Variants in DCAF10 observed in about 807,000 individuals in gnomAD.
DCAF10 encodes DDB1- and CUL4-associated factor 10.
Under a neutral mutation model 51.9 loss-of-function variants are expected in DCAF10, and 19 were observed. The observed-to-expected ratio is 0.37, with a 90% CI of 0.26 to 0.54. The LOEUF is 0.54. Among genes scored for constraint, DCAF10 ranks in the 20% least tolerant of loss-of-function variants. The pLI, the probability that DCAF10 is intolerant of heterozygous loss-of-function variation, is 0.87. For synonymous variants in DCAF10, 291 were observed against 297.1 expected (o/e 0.98, Z 0.21); for missense variants, 510 against 730.6 (o/e 0.70, Z 3.48).
intron 1 of DCAF10, among the ~76,000 whole-genome samples, chr9:37,814,355 G>A (rs1182577564): frequency 1.9e-5 from 2 of 105,710 alleles, no homozygotes; most frequent in African/African-American, 7.5e-5. Context: ...TCACCATGTT[G>A]GCCAGCCTGG....
Position 37,861,005 on chromosome 9 carries a change from G to T in DCAF10, c.1312-135G>T, listed in dbSNP as rs1830998088. 2.4e-6 allele frequency: 3 copies of T among 1,232,864 alleles called. No individual in the cohort carries two copies. The highest frequency in any genetic ancestry group is 1.6e-5 in the South Asian group (1 of 60,718). The allele number at this position is 1,232,864 out of a possible 1,614,324, so 76.4% of individuals were successfully genotyped here. On this transcript the variant is annotated intron_variant, in intron 6 of 6. Coordinates refer to ENST00000377724, the MANE Select transcript of DCAF10 (RefSeq NM_024345.5). The surrounding 1 kb of genome is among the most constrained non-coding windows in gnomAD (Gnocchi z 4.9). ...TACAAGTTTTGTTAGTTGGGAGGGG[G>T]ATAGCATTATTCTGAGTGATTTCTT...
At chr9:37,819,664 A>G (rs750522562) in intron 2 of DCAF10, among the ~76,000 whole-genome samples, 1 of 152,182 alleles carries the variant, frequency 6.6e-6, no homozygotes, top group Non-Finnish European at 1.5e-5. Context: ...ATCATTATGA[A>G]CCTCAGCCAT....
chr9:37,850,829 TATATATATATATATATATATATA>T (rs1564048677), intron 3 of DCAF10, among the ~76,000 whole-genome samples: 2,155 of 67,884 alleles, frequency 0.032, 98 homozygotes, highest in Middle Eastern at 0.04. Context: ...ATATATTTTA[TATATATATATATATATATATATA>T]TATATATATA....
chr9:37,816,909 G>T (rs182862954), intron 1 of DCAF10, among the ~76,000 whole-genome samples: 2 of 152,074 alleles, frequency 1.3e-5, no homozygotes, highest in South Asian at 2.1e-4. Context: ...ACCTGACATG[G>T]TATATATAAA....
intron 1 of DCAF10, among the ~76,000 whole-genome samples, chr9:37,815,541 A>T (rs28442179): frequency 0.029 from 4,451 of 152,144 alleles, 213 homozygotes; most frequent in African/African-American, 0.1. Context: ...GCTACCCAGG[A>T]GGCTGCGGCA....
At chr9:37,855,271 C>T (rs1830813852) in intron 4 of DCAF10, among the ~76,000 whole-genome samples, 1 of 152,174 alleles carries the variant, frequency 6.6e-6, no homozygotes. Context: ...ATCTTTTCAT[C>T]AGTAATTTTG....
rs752842128 is a variant in DCAF10 at position 37,829,509 on chromosome 9, C to T, written c.653+10108C>T. ...TGAAGAATAACTACAGAAAGATGTT[C>T]AAGCTTATCATTTATTATGGAAGTA... is the stretch of plus-strand genomic sequence containing the variant. On this transcript the variant is annotated intron_variant, in intron 2 of 6. Transcript: ENST00000377724. The surrounding 1 kb of genome is among the most constrained non-coding windows in gnomAD (Gnocchi z 4.2). 6.6e-6 allele frequency among the ~76,000 whole-genome samples: 1 copy of T among 151,988 alleles called. No homozygotes were observed. The highest frequency in any genetic ancestry group is 1.5e-5 in the Non-Finnish European group (1 of 67,992).
intron 1 of DCAF10, among the ~76,000 whole-genome samples, chr9:37,805,954 G>A (rs79254506): frequency 0.13 from 19,575 of 152,082 alleles, 1,425 homozygotes; most frequent in Non-Finnish European, 0.16. Context: ...TTGTGGTGAC[G>A]TGTCCCTTTG....
chr9:37,819,505 T>TATC, intron 2 of DCAF10, 104 bp downstream of exon 2: 1 of 690,210 alleles, frequency 1.4e-6, no homozygotes, highest in Non-Finnish European at 2.4e-6. Context: ...CCAGCACTGC[T>TATC]AGATGATCCA....
intron 3 of DCAF10, among the ~76,000 whole-genome samples, chr9:37,842,505 A>G (rs892785331): frequency 2.0e-5 from 3 of 152,238 alleles, no homozygotes; most frequent in Non-Finnish European, 2.9e-5. Context: ...AGTATAGTTA[A>G]TGATGAAAAC....
At position 37,800,809 on chromosome 9, in the gene DCAF10, G is replaced by A. The variant is rs897802434; in HGVS notation, c.-58G>A. ...CGCCGGAAGTGGCAGCTGAACAGGGGCACTGAGGTGTCGGCCGGCGGGGCA... is the reference window on the plus strand; with the variant it reads ...CGCCGGAAGTGGCAGCTGAACAGGGACACTGAGGTGTCGGCCGGCGGGGCA... On this transcript the variant is annotated 5_prime_UTR_variant, in exon 1 of 7. Coordinates refer to ENST00000377724, the MANE Select transcript of DCAF10 (RefSeq NM_024345.5). 8.7e-6 allele frequency: 13 copies of A among 1,500,138 alleles called. No homozygotes were observed. Among genetic ancestry groups the A allele is most frequent in the Middle Eastern group, 2.0e-4 (1 of 5,064 alleles). 92.9% of individuals were successfully genotyped at this position (1,500,138 alleles called of 1,614,324 possible).
At chr9:37,857,374 T>A in intron 5 of DCAF10, 23 bp downstream of exon 5, 1 of 1,531,132 alleles carries the variant, frequency 6.5e-7, no homozygotes, top group South Asian at 1.2e-5. Context: ...TTGGATTTTA[T>A]AATCTTGTAA....
rs527477160 is a variant in DCAF10 at position 37,829,642 on chromosome 9, A to G, written c.653+10241A>G. On this transcript the variant is annotated intron_variant, in intron 2 of 6. Transcript: ENST00000377724. The surrounding 1 kb of genome is among the most constrained non-coding windows in gnomAD (Gnocchi z 4.2). ...CACTCTTAGATATTACTGATGAAGT[A>G]TAAATTTATAACATTATTTTGAAGA... Among the ~76,000 whole-genome samples, 1 of 152,328 alleles carries G rather than the reference A, an allele frequency of 6.6e-6. No homozygotes were observed. Among genetic ancestry groups the G allele is most frequent in the South Asian group, 2.1e-4 (1 of 4,826 alleles).
intron 3 of DCAF10, among the ~76,000 whole-genome samples, chr9:37,850,852 A>G (rs866055611): frequency 9.9e-6 from 1 of 100,670 alleles, no homozygotes; most frequent in Non-Finnish European, 2.0e-5. Context: ...ATATATATAT[A>G]TATATATATA....
chr9:37,840,712 A>C (rs138773257), intron 2 of DCAF10, among the ~76,000 whole-genome samples: 189 of 152,272 alleles, frequency 1.2e-3, no homozygotes, highest in African/African-American at 4.4e-3. Flanking sequence ...CAGTCTTTAT[A>C]ATGTCTACAG....
intron 4 of DCAF10, among the ~76,000 whole-genome samples, chr9:37,855,303 T>G (rs1830814921): frequency 6.6e-6 from 1 of 152,200 alleles, no homozygotes; most frequent in South Asian, 2.1e-4. Flanking sequence ...TCTCAAAAAT[T>G]AGTGATGGCA....
At chr9:37,824,102 A>G (rs1037402518) in intron 2 of DCAF10, among the ~76,000 whole-genome samples, 18 of 152,186 alleles carry the variant, frequency 1.2e-4, no homozygotes, top group African/African-American at 4.3e-4. Context: ...GCTGGTCTCG[A>G]ACTCCTGACC....
At chr9:37,844,542 T>G (rs1289370043) in intron 3 of DCAF10, among the ~76,000 whole-genome samples, 1 of 152,182 alleles carries the variant, frequency 6.6e-6, no homozygotes, top group Non-Finnish European at 1.5e-5. Flanking sequence ...TCCCAGCTAC[T>G]TGGGAGGCTG....
chr9:37,859,397 C>T (rs143753886), intron 5 of DCAF10, among the ~76,000 whole-genome samples: 1 of 152,138 alleles, frequency 6.6e-6, no homozygotes, highest in Admixed American at 6.5e-5. Flanking sequence ...ATTAACAGTG[C>T]CTTACTCCAG....
Sources: gnomAD v4.1 joint callset for allele counts (sites outside exome capture counted in the v4.1 genomes callset) on GRCh38, gnomAD v4.1.1 for gene constraint, Gnocchi (gnomAD v3.1) non-coding constraint, MANE v1.5 for transcripts, NCBI Gene and HGNC (gene_info 2026-07-23, HGNC 2026-07-21) for gene names.